PLCB1: variants seen among roughly 807,000 people sequenced by gnomAD.
PLCB1 encodes phospholipase C beta 1.
PLCB1 carries 46 observed loss-of-function variants against 161.8 expected under a neutral mutation model. The ratio of observed to expected loss-of-function variants is 0.28; its 90% CI spans 0.22 to 0.36. The LOEUF is 0.36. PLCB1 is among the 10% of genes least tolerant of loss of function. The pLI is 1.00. For synonymous variants in PLCB1, 517 were observed against 503.7 expected (o/e 1.03, Z -0.35); for missense variants, 1,016 against 1,472.5 (o/e 0.69, Z 5.07).
chr20:8,691,412 A>C (rs1472048339), intron 10 of PLCB1, among the ~76,000 whole-genome samples: 3 of 152,178 alleles, frequency 2.0e-5, no homozygotes, highest in Non-Finnish European at 2.9e-5. Context: ...TGGTGGAAAA[A>C]AGAAAGTTTT....
chr20:8,363,253 G>C (rs192246105), intron 2 of PLCB1, among the ~76,000 whole-genome samples: 1 of 152,040 alleles, frequency 6.6e-6, no homozygotes, highest in Non-Finnish European at 1.5e-5. Context: ...AGTTTCAGTG[G>C]GTCAGGGTCT....
In PLCB1 at chr20:8,724,786, G is replaced by T. The variant is rs1443952949; in HGVS notation, c.1678+34G>T. 5 of 1,099,764 alleles carry T rather than the reference G, an allele frequency of 4.5e-6. No individual in the cohort carries two copies. The Admixed American group carries it at 8.8e-5, about 19-fold the overall frequency. 68.1% of individuals were successfully genotyped at this position (1,099,764 alleles called of 1,614,324 possible). A position where few individuals can be genotyped will look rare whatever the true frequency, so the allele number is the denominator to read the frequency against. On this transcript the variant is annotated intron_variant, in intron 16 of 31. Coordinates refer to ENST00000338037, the MANE Select transcript of PLCB1 (RefSeq NM_015192.4). Reference sequence around the variant, plus strand: ...TCCCTGGAGAAAAACCCCTCTTGCAGCATATAATGATTATATTTTAAATAC... The same window carrying T: ...TCCCTGGAGAAAAACCCCTCTTGCATCATATAATGATTATATTTTAAATAC...
intron 2 of PLCB1, among the ~76,000 whole-genome samples, chr20:8,344,415 T>C (rs542935598): frequency 1.2e-4 from 19 of 152,318 alleles, no homozygotes; most frequent in Admixed American, 6.5e-4. Context: ...GTGGGAACAG[T>C]CACTTTATTT....
At chr20:8,443,043 G>A (rs775840970) in intron 3 of PLCB1, among the ~76,000 whole-genome samples, 5 of 150,192 alleles carry the variant, frequency 3.3e-5, no homozygotes, top group Non-Finnish European at 5.9e-5. Context: ...GCAGTGGCAC[G>A]ATCTCAGCTC....
In PLCB1 at chr20:8,708,699, AT is replaced by A; in HGVS notation, c.1200del (p.Phe400LeufsTer31). ...EVIEAIAECA[F>X]KTSPFPILLS... ...TGATAGAAGCAATTGCGGAGTGTGCATTTAAGACTTCACCTTTTCCAATTCT... is the reference window on the plus strand; with the variant it reads ...TGATAGAAGCAATTGCGGAGTGTGCATTAAGACTTCACCTTTTCCAATTCT... On this transcript the variant is annotated frameshift_variant, in exon 12 of 32. Coordinates refer to ENST00000338037, the MANE Select transcript of PLCB1 (RefSeq NM_015192.4). LOFTEE classifies it high-confidence loss of function. 6.2e-7 allele frequency: 1 copy of A among 1,613,286 alleles called. No homozygotes were observed. The highest frequency in any genetic ancestry group is 2.2e-5 in the East Asian group (1 of 44,854).
At chr20:8,238,455 A>G (rs1266474060) in intron 2 of PLCB1, among the ~76,000 whole-genome samples, 1 of 152,030 alleles carries the variant, frequency 6.6e-6, no homozygotes, top group Non-Finnish European at 1.5e-5. Flanking sequence ...GTTAAGCTCC[A>G]GGGCTTATCA....
At chr20:8,448,789 G>A (rs1263577477) in intron 3 of PLCB1, among the ~76,000 whole-genome samples, 2 of 152,136 alleles carry the variant, frequency 1.3e-5, no homozygotes, top group African/African-American at 4.8e-5. Context: ...GAGTGGTGAG[G>A]ACAAAAAGTA....
chr20:8,338,777 G>T (rs1276530912), intron 2 of PLCB1, among the ~76,000 whole-genome samples: 2 of 152,036 alleles, frequency 1.3e-5, no homozygotes, highest in Admixed American at 1.3e-4. Context: ...AAATTCTCTT[G>T]TGCCCTCTTC....
chr20:8,554,571 G>A (rs998928102), intron 3 of PLCB1, among the ~76,000 whole-genome samples: 9 of 152,086 alleles, frequency 5.9e-5, no homozygotes, highest in Non-Finnish European at 1.2e-4. Context: ...ATTCTGCAGT[G>A]ATAGAAACCA....
At chr20:8,722,550 T>C in intron 15 of PLCB1, 129 bp downstream of exon 15, 2 of 530,348 alleles carry the variant, frequency 3.8e-6, no homozygotes. Flanking sequence ...CCAGCTTCAA[T>C]TTTTGAGGCA....
At chr20:8,503,467 G>A (rs1029990798) in intron 3 of PLCB1, among the ~76,000 whole-genome samples, 3 of 151,912 alleles carry the variant, frequency 2.0e-5, no homozygotes, top group Non-Finnish European at 4.4e-5. Context: ...TACTTGCAGG[G>A]TTAGGAGACA....
chr20:8,592,797 C>A (rs1375234538), intron 3 of PLCB1, among the ~76,000 whole-genome samples: 5 of 152,174 alleles, frequency 3.3e-5, no homozygotes, highest in Non-Finnish European at 7.3e-5. Flanking sequence ...CTAGCAGTTA[C>A]ACTGAGGGCC....
intron 31 of PLCB1, among the ~76,000 whole-genome samples, chr20:8,790,764 C>A (rs1983716670): frequency 6.6e-6 from 1 of 152,122 alleles, no homozygotes; most frequent in South Asian, 2.1e-4. Context: ...GATTGGGGCT[C>A]TGCTTTAAAA....
intron 2 of PLCB1, among the ~76,000 whole-genome samples, chr20:8,235,115 T>C (rs1980253370): frequency 6.6e-6 from 1 of 152,160 alleles, no homozygotes; most frequent in Non-Finnish European, 1.5e-5. Context: ...TTTCTGAATA[T>C]ATGCACCATA....
intron 31 of PLCB1, among the ~76,000 whole-genome samples, chr20:8,867,827 T>C (rs923359872): frequency 1.3e-5 from 2 of 152,208 alleles, no homozygotes; most frequent in African/African-American, 4.8e-5. Context: ...ATTCACAGAT[T>C]TGTGTTGCTT....
At chr20:8,758,615 T>C (rs1451477192) in intron 24 of PLCB1, among the ~76,000 whole-genome samples, 1 of 151,800 alleles carries the variant, frequency 6.6e-6, no homozygotes, top group African/African-American at 2.4e-5. Context: ...AAGTCAATAA[T>C]AGTAAGAAGA....
At chr20:8,396,470 C>T (rs559791518) in intron 3 of PLCB1, among the ~76,000 whole-genome samples, 61 of 152,062 alleles carry the variant, frequency 4.0e-4, no homozygotes, top group Non-Finnish European at 5.9e-4. Flanking sequence ...ATAAATTATT[C>T]GGTTGTATGA....
At chr20:8,270,204 T>C (rs550926666) in intron 2 of PLCB1, among the ~76,000 whole-genome samples, 9 of 152,310 alleles carry the variant, frequency 5.9e-5, no homozygotes, top group African/African-American at 1.4e-4. Context: ...TAAGAGTACC[T>C]GTGTGTGCAA....
intron 31 of PLCB1, among the ~76,000 whole-genome samples, chr20:8,805,626 C>T (rs1317949494): frequency 6.6e-6 from 1 of 152,194 alleles, no homozygotes; most frequent in Non-Finnish European, 1.5e-5. Flanking sequence ...CTTTAAAGCA[C>T]ATAACATGTG....
Sources: allele counts gnomAD v4.1 joint callset (sites outside exome capture counted in the v4.1 genomes callset), GRCh38; gene constraint gnomAD v4.1.1; transcripts MANE v1.5; gene names NCBI Gene and HGNC (gene_info 2026-07-23, HGNC 2026-07-21).